TMEM236: variants seen among roughly 807,000 people sequenced by gnomAD.
TMEM236 encodes family with sequence similarity 23, member A.
TMEM236 carries 11 observed loss-of-function variants against 14.7 expected under a neutral mutation model. That is an observed-to-expected ratio of 0.75 (90% CI 0.47 to 1.24). The LOEUF is 1.24. Among genes scored for constraint, TMEM236 ranks in the 50% most tolerant of loss-of-function variants. The probability of loss-of-function intolerance (pLI) is 0.00; values close to 1 mark genes in which losing one functional copy is unlikely to be tolerated. For synonymous variants in TMEM236, 182 were observed against 168.6 expected (o/e 1.08, Z -0.62); for missense variants, 464 against 427.3 (o/e 1.09, Z -0.76).
chr10:17,763,811 G>A (rs1554834182), intron 1 of TMEM236, among the ~76,000 whole-genome samples: 1 of 152,068 alleles, frequency 6.6e-6, no homozygotes, highest in Admixed American at 6.6e-5. Context: ...AGTGGTTAGG[G>A]GCGTGAGTTT....
intron 1 of TMEM236, among the ~76,000 whole-genome samples, chr10:17,755,002 G>A (rs916879602): frequency 1.3e-5 from 2 of 151,686 alleles, no homozygotes; most frequent in East Asian, 1.9e-4. Context: ...GCAGTGGCAC[G>A]ATCTCAGCTC....
intron 2 of TMEM236, among the ~76,000 whole-genome samples, chr10:17,771,634 T>G (rs1312400915): frequency 6.6e-6 from 1 of 152,222 alleles, no homozygotes; most frequent in Non-Finnish European, 1.5e-5. Flanking sequence ...TATTTGAACG[T>G]TTAAAAAGTG....
At chr10:17,769,557 G>A (rs979135899) in intron 1 of TMEM236, among the ~76,000 whole-genome samples, 12 of 152,312 alleles carry the variant, frequency 7.9e-5, no homozygotes, top group African/African-American at 2.9e-4. Context: ...TTAGAGGTCA[G>A]GTTGAGAAGA....
At position 17,786,558 on chromosome 10, in the gene TMEM236, A is replaced by T. The variant is rs1391469484; in HGVS notation, c.473-9363A>T. 2.6e-5 allele frequency among the ~76,000 whole-genome samples: 4 copies of T among 152,298 alleles called. No homozygotes were observed. In the East Asian group the frequency reaches 7.7e-4, roughly 29 times the overall value. On this transcript the variant is annotated intron_variant, in intron 3 of 3. Transcript: ENST00000377495. ...ATCATTTGTTGTTGATATTGTGTGT[A>T]TACTAATAGTAAGGTCCTATCTAGA...
intron 2 of TMEM236, among the ~76,000 whole-genome samples, chr10:17,771,870 A>G (rs1406567086): frequency 2.0e-5 from 3 of 152,060 alleles, no homozygotes; most frequent in African/African-American, 7.2e-5. Context: ...TTGGATAGAA[A>G]CCAGCAGGGC....
Position 17,798,461 on chromosome 10 carries a change from C to G in TMEM236, c.*1957C>G. 2.2e-6 allele frequency: 1 copy of G among 464,986 alleles called. No individual in the cohort carries two copies. The highest frequency in any genetic ancestry group is 4.4e-6 in the Non-Finnish European group (1 of 228,996). 28.8% of individuals were successfully genotyped at this position (464,986 alleles called of 1,614,324 possible). A position where few individuals can be genotyped will look rare whatever the true frequency, so the allele number is the denominator to read the frequency against. On this transcript the variant is annotated 3_prime_UTR_variant, in exon 4 of 4. Transcript: ENST00000377495. ...GGCTGGGGCAGGAAGATTGCTTGAG[C>G]CCAGGAGGTCAAGGCTACAGTGAGC...
intron 2 of TMEM236, among the ~76,000 whole-genome samples, chr10:17,774,702 C>T (rs1837630076): frequency 6.6e-6 from 1 of 152,154 alleles, no homozygotes; most frequent in Middle Eastern, 3.2e-3. Flanking sequence ...TTATTGTCAG[C>T]CTGTCCTTTT....
intron 1 of TMEM236, among the ~76,000 whole-genome samples, chr10:17,753,399 A>G (rs973673782): frequency 6.6e-6 from 1 of 151,712 alleles, no homozygotes; most frequent in African/African-American, 2.4e-5. Flanking sequence ...TCTCCCTCCC[A>G]CCGTTCACCC....
intron 3 of TMEM236, among the ~76,000 whole-genome samples, chr10:17,778,712 C>G (rs797036468): frequency 0.041 from 6,253 of 152,244 alleles, 257 homozygotes; most frequent in East Asian, 0.21. Flanking sequence ...TAGATGAAAC[C>G]AACATAATCT....
intron 2 of TMEM236, among the ~76,000 whole-genome samples, chr10:17,775,312 T>G (rs1443049874): frequency 1.3e-5 from 2 of 152,204 alleles, no homozygotes; most frequent in Non-Finnish European, 2.9e-5. Flanking sequence ...TCTTGCTCTG[T>G]CACCCAAGCT....
intron 2 of TMEM236, among the ~76,000 whole-genome samples, chr10:17,772,581 TCTTTC>T (rs1837590627): frequency 6.6e-6 from 1 of 152,204 alleles, no homozygotes; most frequent in African/African-American, 2.4e-5. Flanking sequence ...TACATCTTTT[TCTTTC>T]CTTTCCTTTT....
chr10:17,783,859 T>G (rs1370497964), intron 3 of TMEM236, among the ~76,000 whole-genome samples: 1 of 152,310 alleles, frequency 6.6e-6, no homozygotes, highest in East Asian at 1.9e-4. Context: ...ATTGGCCAGT[T>G]GTATTTTTCT....
chr10:17,764,836 C>CTTTTTT (rs1837435042), intron 1 of TMEM236, among the ~76,000 whole-genome samples: 1 of 70,468 alleles, frequency 1.4e-5, no homozygotes, highest in African/African-American at 4.7e-5. Context: ...TCAGATTTTC[C>CTTTTTT]CTTTTTTTTT....
At chr10:17,789,702 G>A (rs1589152485) in intron 3 of TMEM236, among the ~76,000 whole-genome samples, 1 of 151,772 alleles carries the variant, frequency 6.6e-6, no homozygotes, top group Non-Finnish European at 1.5e-5. Flanking sequence ...GCAACATAGT[G>A]AGATCTCCAT....
At chr10:17,794,909 T>C (rs1837986288) in intron 3 of TMEM236, among the ~76,000 whole-genome samples, 1 of 152,054 alleles carries the variant, frequency 6.6e-6, no homozygotes, top group South Asian at 2.1e-4. Flanking sequence ...GCACCTGTAA[T>C]CCCAGCTACT....
intron 1 of TMEM236, among the ~76,000 whole-genome samples, chr10:17,754,834 T>C (rs1293671134): frequency 6.6e-6 from 1 of 152,212 alleles, no homozygotes; most frequent in Admixed American, 6.5e-5. Context: ...ATTTTTCCTT[T>C]TAGATCTTCA....
At position 17,798,842 on chromosome 10, in the gene TMEM236, G is replaced by C. The variant is rs1447954217; in HGVS notation, c.*2338G>C. 17 of 380,924 alleles carry C rather than the reference G, an allele frequency of 4.5e-5. No homozygotes were observed. The highest frequency in any genetic ancestry group is 8.9e-5 in the Non-Finnish European group (17 of 190,548). The allele number at this position is 380,924 out of a possible 1,614,324, so 23.6% of individuals were successfully genotyped here. ...ATTTTCTGGCAAACCATAATAACTT[G>C]ATAAATGCTAAGCATTGGAACGGGT... On this transcript the variant is annotated 3_prime_UTR_variant, in exon 4 of 4. Transcript: ENST00000377495.
intron 3 of TMEM236, among the ~76,000 whole-genome samples, chr10:17,784,762 T>C (rs1837806351): frequency 6.6e-6 from 1 of 152,066 alleles, no homozygotes; most frequent in African/African-American, 2.4e-5. Context: ...CTTCATGAAA[T>C]AGGAAGCAAA....
chr10:17,775,798 A>G (rs1040779286), intron 2 of TMEM236, among the ~76,000 whole-genome samples: 5 of 152,222 alleles, frequency 3.3e-5, no homozygotes, highest in African/African-American at 1.2e-4. Flanking sequence ...TGTATTTACC[A>G]AGGTCTGTCT....
Sources: allele counts gnomAD v4.1 joint callset (sites outside exome capture counted in the v4.1 genomes callset), GRCh38; gene constraint gnomAD v4.1.1; transcripts MANE v1.5; gene names NCBI Gene and HGNC (gene_info 2026-07-23, HGNC 2026-07-21).